ROR1: variants seen among roughly 807,000 people sequenced by gnomAD.
ROR1 encodes the protein ROR family WNT receptor 1.
In ROR1, 19 loss-of-function variants were observed where a neutral mutation model predicts 78.8. The ratio of observed to expected loss-of-function variants is 0.24; its 90% CI spans 0.17 to 0.35. The LOEUF is 0.35. Ranked by LOEUF, ROR1 falls within the 10% of genes least tolerant of loss-of-function variation. ROR1 has a pLI of 1.00. For synonymous variants in ROR1, 386 were observed against 433.6 expected, an observed-to-expected ratio of 0.89 and a Z score of 1.36; for missense variants, 917 against 1,177.8, an observed-to-expected ratio of 0.78 and a Z score of 3.24.
intron 1 of ROR1, among the ~76,000 whole-genome samples, chr1:63,921,217 A>T (rs1645651728): frequency 1.3e-5 from 2 of 152,122 alleles, no homozygotes; most frequent in African/African-American, 4.8e-5. Flanking sequence ...ACACATTTTG[A>T]GTTCTTCAGG....
intron 4 of ROR1, 126 bp downstream of exon 4, chr1:64,050,842 G>T (rs557031102): frequency 3.3e-6 from 3 of 902,716 alleles, no homozygotes; most frequent in African/African-American, 1.6e-5. Context: ...ATTTTGCCCT[G>T]CCCTCATTCC....
chr1:63,966,568 G>A (rs569840724), intron 1 of ROR1, among the ~76,000 whole-genome samples: 49 of 152,298 alleles, frequency 3.2e-4, no homozygotes, highest in Middle Eastern at 3.4e-3. Context: ...GGCTGAATGG[G>A]TCTCTTATGG....
At chr1:63,963,731 G>C (rs545184477) in intron 1 of ROR1, among the ~76,000 whole-genome samples, 3 of 152,034 alleles carry the variant, frequency 2.0e-5, no homozygotes, top group Admixed American at 2.0e-4. Flanking sequence ...TCCTCACCAA[G>C]AAGATCCAAG....
intron 1 of ROR1, among the ~76,000 whole-genome samples, chr1:63,862,201 T>G (rs946603755): frequency 6.6e-6 from 1 of 151,886 alleles, no homozygotes; most frequent in East Asian, 1.9e-4. Flanking sequence ...GAGACCAGCC[T>G]AGCCAACATG....
chr1:63,796,860 G>T (rs1390017920), intron 1 of ROR1, among the ~76,000 whole-genome samples: 1 of 152,158 alleles, frequency 6.6e-6, no homozygotes, highest in Non-Finnish European at 1.5e-5. Flanking sequence ...AGAGCAGCGG[G>T]CCCCAGCCCA....
chr1:64,137,760 G>T (rs945860189), intron 5 of ROR1, among the ~76,000 whole-genome samples: 1 of 152,158 alleles, frequency 6.6e-6, no homozygotes, highest in Non-Finnish European at 1.5e-5. Flanking sequence ...TGCTTTCACC[G>T]TACCAGGAAC....
At chr1:64,086,931 C>T (rs774026913) in intron 4 of ROR1, among the ~76,000 whole-genome samples, 5 of 152,076 alleles carry the variant, frequency 3.3e-5, no homozygotes, top group African/African-American at 7.2e-5. Flanking sequence ...GAAACTTGCC[C>T]GAGTTCTTAG....
At chr1:64,037,212 C>T (rs1399568596) in intron 2 of ROR1, among the ~76,000 whole-genome samples, 1 of 152,178 alleles carries the variant, frequency 6.6e-6, no homozygotes, top group Non-Finnish European at 1.5e-5. Context: ...GGAAAGGGCA[C>T]ACAGACTCCA....
chr1:64,011,655 C>T (rs1407536533), intron 2 of ROR1, among the ~76,000 whole-genome samples: 1 of 152,078 alleles, frequency 6.6e-6, no homozygotes, highest in Non-Finnish European at 1.5e-5. Context: ...AAGGCAGGCC[C>T]CAGACTCCTT....
At chr1:63,936,123 T>C (rs994048775) in intron 1 of ROR1, among the ~76,000 whole-genome samples, 5 of 152,228 alleles carry the variant, frequency 3.3e-5, no homozygotes, top group African/African-American at 1.2e-4. Flanking sequence ...GATTAATGCC[T>C]TCAGCCTTAC....
intron 1 of ROR1, among the ~76,000 whole-genome samples, chr1:63,812,421 C>T (rs534834978): frequency 7.8e-4 from 119 of 152,158 alleles, no homozygotes; most frequent in African/African-American, 2.5e-3. Flanking sequence ...ACTAGCTAGC[C>T]CTTTACAGAA....
At chr1:64,084,777 G>T (rs766421981) in intron 4 of ROR1, among the ~76,000 whole-genome samples, 2 of 152,174 alleles carry the variant, frequency 1.3e-5, no homozygotes, top group Non-Finnish European at 2.9e-5. Context: ...TCTTTATTCT[G>T]CTGACTTTGA....
intron 1 of ROR1, among the ~76,000 whole-genome samples, chr1:63,911,577 TC>T (rs960945860): frequency 6.6e-6 from 1 of 150,426 alleles, no homozygotes; most frequent in Non-Finnish European, 1.5e-5. Flanking sequence ...CCCGAAACCA[TC>T]CCCCCCACCC....
At chr1:63,963,423 G>A (rs1029643457) in intron 1 of ROR1, among the ~76,000 whole-genome samples, 2 of 151,836 alleles carry the variant, frequency 1.3e-5, no homozygotes, top group African/African-American at 4.8e-5. Context: ...ACAAAAATTA[G>A]CCAGGCATGG....
At chr1:63,884,768 G>A (rs144635291) in intron 1 of ROR1, among the ~76,000 whole-genome samples, 2 of 152,198 alleles carry the variant, frequency 1.3e-5, no homozygotes, top group African/African-American at 4.8e-5. Flanking sequence ...GCTGGTAAAT[G>A]GAGGTAAGAA....
intron 4 of ROR1, among the ~76,000 whole-genome samples, chr1:64,120,422 A>G (rs1334037963): frequency 6.6e-6 from 1 of 152,250 alleles, no homozygotes; most frequent in Non-Finnish European, 1.5e-5. Flanking sequence ...AGTAATTTTA[A>G]TAAGCTATTT....
chr1:64,098,291 A>G (rs1647379765), intron 4 of ROR1, among the ~76,000 whole-genome samples: 1 of 152,190 alleles, frequency 6.6e-6, no homozygotes, highest in Admixed American at 6.5e-5. Flanking sequence ...CTGCCAACTC[A>G]GTCCCAAACC....
intron 1 of ROR1, among the ~76,000 whole-genome samples, chr1:63,852,796 C>T (rs1262009202): frequency 6.6e-6 from 1 of 152,110 alleles, no homozygotes; most frequent in Non-Finnish European, 1.5e-5. Context: ...ATGTATTAAC[C>T]ATGGGAAACC....
intron 1 of ROR1, among the ~76,000 whole-genome samples, chr1:63,905,580 A>G (rs1645521612): frequency 6.6e-6 from 1 of 152,222 alleles, no homozygotes; most frequent in African/African-American, 2.4e-5. Flanking sequence ...TTTTAAGATA[A>G]TAAAATGTGA....
Sources: gnomAD v4.1 joint callset for allele counts (sites outside exome capture counted in the v4.1 genomes callset) on GRCh38, gnomAD v4.1.1 for gene constraint, MANE v1.5 for transcripts, NCBI Gene and HGNC (gene_info 2026-07-23, HGNC 2026-07-21) for gene names.